The following ABI2 variants were observed in gnomAD, a reference collection of about 807,000 sequenced individuals.
ABI2 encodes the protein abelson interactor 2.
Under a neutral mutation model 59.2 loss-of-function variants are expected in ABI2, and 25 were observed. The ratio of observed to expected loss-of-function variants is 0.42; its 90% CI spans 0.31 to 0.59. The LOEUF (loss-of-function observed/expected upper bound fraction) is 0.59, where lower values mean the gene tolerates loss of function less well. Ranked by LOEUF, ABI2 falls within the 20% of genes least tolerant of loss-of-function variation. The pLI is 0.14. For missense variants in ABI2, 545 were observed against 681.8 expected, an observed-to-expected ratio of 0.80 and a Z score of 2.23; for synonymous variants, 213 against 235.5, an observed-to-expected ratio of 0.90 and a Z score of 0.87.
intron 9 of ABI2, among the ~76,000 whole-genome samples, chr2:203,405,143 A>C (rs560168034): frequency 6.6e-6 from 1 of 152,194 alleles, no homozygotes; most frequent in Admixed American, 6.5e-5. Flanking sequence ...GTGTGAGTCA[A>C]TTTAGTTGTG....
At chr2:203,342,249 A>C in intron 1 of ABI2, 1 of 452,108 alleles carries the variant, frequency 2.2e-6, no homozygotes, top group South Asian at 1.6e-5. Context: ...CTCATGGACC[A>C]AGTCCAGTTC....
rs2098451390 is a variant in ABI2, at chr2:203,427,625, G to A, written c.*273G>A. 2 of 284,684 alleles carry A rather than the reference G, an allele frequency of 7.0e-6. No individual in the cohort carries two copies. Among genetic ancestry groups the A allele is most frequent in the African/African-American group, 4.3e-5 (2 of 46,978 alleles). 17.6% of individuals were successfully genotyped at this position (284,684 alleles called of 1,614,324 possible). ...GTCAAAGGTATAACAGCATAACTGT[G>A]TAGCCAAAACAAAATCAGATTAAGA... On this transcript the variant is annotated 3_prime_UTR_variant, in exon 12 of 12. Coordinates refer to ENST00000261018, the MANE Select transcript of ABI2 (RefSeq NM_001375670.1).
At chr2:203,335,430 T>G (rs551663091) in intron 1 of ABI2, among the ~76,000 whole-genome samples, 45 of 152,124 alleles carry the variant, frequency 3.0e-4, no homozygotes, top group Non-Finnish European at 5.3e-4. Context: ...GCTAATTTTT[T>G]TTGTTGTTGT....
At chr2:203,390,385 A>G (rs2096696503) in intron 4 of ABI2, among the ~76,000 whole-genome samples, 1 of 152,182 alleles carries the variant, frequency 6.6e-6, no homozygotes, top group Non-Finnish European at 1.5e-5. Flanking sequence ...TAATCCTAGC[A>G]CTTTGGGAGG....
chr2:203,343,449 G>GT lies in ABI2; in HGVS notation c.117+14827dup, dbSNP rs200363290. ...GTAATGACAAGGCATTATATTCCAGGTTTTTTTTTCCTTCTTTTGAAATGA... is the reference window on the plus strand; with the variant it reads ...GTAATGACAAGGCATTATATTCCAGGTTTTTTTTTTCCTTCTTTTGAAATGA... On this transcript the variant is annotated intron_variant, in intron 1 of 11. Transcript: ENST00000261018. 5.5e-3 allele frequency among the ~76,000 whole-genome samples: 834 copies of GT among 151,520 alleles called. 10 individuals are homozygous for GT. The highest frequency in any genetic ancestry group is 0.019 in the African/African-American group (773 of 41,312).
intron 1 of ABI2, among the ~76,000 whole-genome samples, chr2:203,345,632 C>T (rs1044575665): frequency 1.3e-5 from 2 of 152,022 alleles, no homozygotes; most frequent in Non-Finnish European, 2.9e-5. Context: ...TGGTCTCGAA[C>T]TCCTGACTTC....
rs138939318 is a variant in ABI2 at position 203,362,996 on chromosome 2, A to G, written c.118-3881A>G. ...CAGGCATACACCACCACGCCCGGCT[A>G]TTTTTCGTATTTTTAGTAGAGACAG... On this transcript the variant is annotated intron_variant, in intron 1 of 11. Transcript: ENST00000261018. 3.2e-3 allele frequency among the ~76,000 whole-genome samples: 490 copies of G among 151,754 alleles called. 4 individuals are homozygous for G. The highest frequency in any genetic ancestry group is 0.011 in the African/African-American group (454 of 41,344).
At chr2:203,353,434 A>AC (rs1178658838) in intron 1 of ABI2, among the ~76,000 whole-genome samples, 2 of 152,122 alleles carry the variant, frequency 1.3e-5, no homozygotes, top group Non-Finnish European at 2.9e-5. Context: ...AAAAATGAGT[A>AC]CCCCTTTTAC....
chr2:203,347,661 T>C (rs2084543417), intron 1 of ABI2, among the ~76,000 whole-genome samples: 2 of 152,246 alleles, frequency 1.3e-5, no homozygotes, highest in African/African-American at 4.8e-5. Context: ...ATTGAGATGA[T>C]ATTTTTATAA....
chr2:203,329,019 G>C (rs980331730), intron 1 of ABI2: 1 of 167,682 alleles, frequency 6.0e-6, no homozygotes. Context: ...GTGTTGACGG[G>C]TTACCTCCAT....
chr2:203,376,223 G>A (rs1277626206), intron 2 of ABI2: 2 of 951,650 alleles, frequency 2.1e-6, no homozygotes, highest in African/African-American at 3.3e-5. Context: ...GGCAATGTTA[G>A]ACATTTTTGG....
intron 1 of ABI2, among the ~76,000 whole-genome samples, chr2:203,340,509 T>C (rs1371036007): frequency 2.0e-5 from 3 of 151,996 alleles, no homozygotes; most frequent in Admixed American, 6.6e-5. Context: ...TGGGACTACA[T>C]GTGTGTACCA....
chr2:203,396,357 G>T (rs1388229694), intron 7 of ABI2, among the ~76,000 whole-genome samples: 1 of 151,942 alleles, frequency 6.6e-6, no homozygotes, highest in Non-Finnish European at 1.5e-5. Context: ...AAATCATAAA[G>T]ATTTGTGTTT....
chr2:203,394,935 A>C, intron 6 of ABI2, 89 bp downstream of exon 6: 1 of 1,440,520 alleles, frequency 6.9e-7, no homozygotes, highest in Non-Finnish European at 9.6e-7. Context: ...TTTTCCAAGC[A>C]CTAAGTTCTT....
chr2:203,337,518 G>C (rs763964421), intron 1 of ABI2, among the ~76,000 whole-genome samples: 1 of 152,160 alleles, frequency 6.6e-6, no homozygotes, highest in African/African-American at 2.4e-5. Context: ...AAGATATCCC[G>C]TGCTCATGAA....
chr2:203,390,848 C>T (rs1322806517), intron 4 of ABI2, among the ~76,000 whole-genome samples, 198 bp from the exon 5 acceptor site: 1 of 152,166 alleles, frequency 6.6e-6, no homozygotes, highest in African/African-American at 2.4e-5. Flanking sequence ...ATTTGAAAAT[C>T]TCATGTTAGG....
intron 2 of ABI2, among the ~76,000 whole-genome samples, chr2:203,378,623 A>C: frequency 6.6e-6 from 1 of 152,214 alleles, no homozygotes; most frequent in East Asian, 1.9e-4. Context: ...ATCAGTGTTC[A>C]GATTTCTTAA....
Position 203,384,830 on chromosome 2 carries a change from T to C in ABI2, c.480+2624T>C, listed in dbSNP as rs545630180. 3.0e-4 allele frequency among the ~76,000 whole-genome samples: 45 copies of C among 151,954 alleles called. No individual in the cohort carries two copies. The South Asian group carries it at 6.9e-3, about 23-fold the overall frequency. On this transcript the variant is annotated intron_variant, in intron 4 of 11. Transcript: ENST00000261018. ...ACATCGCCCAAGCAGATTCTTTTTT[T>C]TTTTTCTTTTTTTCTTTTTTTTGAG... is the stretch of plus-strand genomic sequence containing the variant.
At chr2:203,381,846 A>T (rs1000396022) in intron 3 of ABI2, among the ~76,000 whole-genome samples, 2 of 152,258 alleles carry the variant, frequency 1.3e-5, no homozygotes, top group African/African-American at 2.4e-5. Flanking sequence ...ATAGGTTTAC[A>T]TCCCCCATTC....
Sources: allele counts gnomAD v4.1 joint callset (sites outside exome capture counted in the v4.1 genomes callset), GRCh38; gene constraint gnomAD v4.1.1; transcripts MANE v1.5; gene names NCBI Gene and HGNC (gene_info 2026-07-23, HGNC 2026-07-21).